Variants in MNAT1 observed in about 807,000 individuals in gnomAD.
MNAT1 encodes MNAT1 component of CDK activating kinase.
Under a neutral mutation model 42.0 loss-of-function variants are expected in MNAT1, and 43 were observed. That is an observed-to-expected ratio of 1.02 (90% CI 0.80 to 1.32). MNAT1 has a LOEUF of 1.32. Among genes scored for constraint, MNAT1 ranks in the 40% most tolerant of loss-of-function variants. The probability of loss-of-function intolerance (pLI) is 0.00; values close to 1 mark genes in which losing one functional copy is unlikely to be tolerated. For missense variants in MNAT1, 306 were observed against 350.4 expected, an observed-to-expected ratio of 0.87 and a Z score of 1.01; for synonymous variants, 118 against 120.0, an observed-to-expected ratio of 0.98 and a Z score of 0.11.
At chr14:60,883,076 T>A (rs966152481) in intron 7 of MNAT1, among the ~76,000 whole-genome samples, 1 of 152,166 alleles carries the variant, frequency 6.6e-6, no homozygotes, top group Non-Finnish European at 1.5e-5. Flanking sequence ...AGAAGCTTTT[T>A]AACTTGATGT....
At chr14:60,799,987 C>T (rs1338772759) in intron 3 of MNAT1, among the ~76,000 whole-genome samples, 1 of 152,010 alleles carries the variant, frequency 6.6e-6, no homozygotes. Context: ...CTTAAGCAAC[C>T]TCCACTTAAT....
chr14:60,823,135 A>T (rs2032947855), intron 6 of MNAT1, among the ~76,000 whole-genome samples: 1 of 152,122 alleles, frequency 6.6e-6, no homozygotes, highest in Non-Finnish European at 1.5e-5. Flanking sequence ...TGCCTTTTAA[A>T]GTATTGGATG....
rs373348646 is a variant in MNAT1, at chr14:60,852,742, C to T, written c.688-26972C>T. On this transcript the variant is annotated intron_variant, in intron 6 of 7. Transcript: ENST00000261245. ...TTTGTATAAGGTGTAAGGAAGGGGT[C>T]CAGTTTCAGTTTTCTGCATATGGCT... Among the ~76,000 whole-genome samples the T allele has an allele frequency of 3.2e-4, 49 of 152,176 alleles. 1 individual carries two copies. The East Asian group carries it at 8.9e-3, about 28-fold the overall frequency.
intron 7 of MNAT1, among the ~76,000 whole-genome samples, chr14:60,923,004 G>A (rs1317958855): frequency 1.3e-5 from 2 of 152,086 alleles, no homozygotes; most frequent in African/African-American, 4.8e-5. Flanking sequence ...GAGTCCTAGG[G>A]CTCAGTAGAT....
chr14:60,939,961 G>C (rs2139586423), intron 7 of MNAT1, among the ~76,000 whole-genome samples: 1 of 152,214 alleles, frequency 6.6e-6, no homozygotes, highest in South Asian at 2.1e-4. Flanking sequence ...TCTTCTTGTT[G>C]AATTGATCCC....
chr14:60,822,190 AC>A (rs1389449842), intron 6 of MNAT1, among the ~76,000 whole-genome samples: 1 of 152,134 alleles, frequency 6.6e-6, no homozygotes, highest in East Asian at 1.9e-4. Flanking sequence ...ACCTTTTTTC[AC>A]CTAGACAGAA....
intron 6 of MNAT1, among the ~76,000 whole-genome samples, chr14:60,850,998 G>C (rs184866918): frequency 1.3e-5 from 2 of 152,230 alleles, no homozygotes; most frequent in Admixed American, 6.5e-5. Context: ...ATTACTTAAA[G>C]GATAATTGCA....
intron 1 of MNAT1, among the ~76,000 whole-genome samples, chr14:60,748,862 G>A (rs1429466232): frequency 6.6e-6 from 1 of 151,958 alleles, no homozygotes; most frequent in Non-Finnish European, 1.5e-5. Flanking sequence ...AACCAGTATC[G>A]TAGTCATTTA....
intron 7 of MNAT1, among the ~76,000 whole-genome samples, chr14:60,916,127 T>C (rs2139540112): frequency 6.6e-6 from 1 of 152,348 alleles, no homozygotes; most frequent in East Asian, 1.9e-4. Flanking sequence ...TATAGCCTGA[T>C]GTTGGCTCTA....
At chr14:60,780,191 C>G in intron 1 of MNAT1, 1 of 1,503,748 alleles carries the variant, frequency 6.7e-7, no homozygotes, top group Non-Finnish European at 9.3e-7. Flanking sequence ...GGTGGAACAA[C>G]TAAAAGATTG....
chr14:60,887,296 A>T (rs2034699695), intron 7 of MNAT1, among the ~76,000 whole-genome samples: 1 of 151,406 alleles, frequency 6.6e-6, no homozygotes, highest in Non-Finnish European at 1.5e-5. Flanking sequence ...TGTGCAGGTT[A>T]GTTACATATG....
At chr14:60,914,736 C>G (rs749733325) in intron 7 of MNAT1, among the ~76,000 whole-genome samples, 20 of 151,990 alleles carry the variant, frequency 1.3e-4, no homozygotes, top group Non-Finnish European at 2.6e-4. Context: ...GCTATAGAGC[C>G]TTAGGGAGAT....
intron 2 of MNAT1, 34 bp from the exon 3 acceptor site, chr14:60,798,053 G>A: frequency 9.9e-7 from 1 of 1,008,516 alleles, no homozygotes; most frequent in African/African-American, 1.6e-5. Flanking sequence ...GCAATGATAT[G>A]TAATATGTAG....
Position 60,812,107 on chromosome 14 carries a change from C to G in MNAT1, c.541C>G (p.Gln181Glu). The G allele has an allele frequency of 1.3e-6, 2 of 1,582,310 alleles. No homozygotes were observed. Among genetic ancestry groups the G allele is most frequent in the Non-Finnish European group, 1.7e-6 (2 of 1,168,712 alleles). Reference sequence around the variant, plus strand: ...GCAGATTCTAAAAAGGAAGAATAAGCAGGCTTTTTTAGATGAGCTGGTATG... The same window carrying G: ...GCAGATTCTAAAAAGGAAGAATAAGGAGGCTTTTTTAGATGAGCTGGTATG... ...LQQILKRKNK[Q>E]AFLDELESSD... Residue 181 changes from glutamine to glutamate, a missense_variant, in exon 5 of 8, where the codon CAG becomes GAG. Gln to Glu is a conservative substitution (Grantham distance 29). Coordinates refer to ENST00000261245, the MANE Select transcript of MNAT1 (RefSeq NM_002431.4).
intron 1 of MNAT1, among the ~76,000 whole-genome samples, chr14:60,781,252 A>G (rs534534723): frequency 1.3e-5 from 2 of 152,166 alleles, no homozygotes; most frequent in Non-Finnish European, 2.9e-5. Flanking sequence ...AAGTGAGGAA[A>G]TAAGTTTGTT....
intron 6 of MNAT1, among the ~76,000 whole-genome samples, chr14:60,878,512 T>C (rs2034480780): frequency 6.6e-6 from 1 of 152,084 alleles, no homozygotes; most frequent in Non-Finnish European, 1.5e-5. Context: ...AGGAGCATTG[T>C]TGTGGTGGGG....
intron 1 of MNAT1, among the ~76,000 whole-genome samples, chr14:60,743,121 C>G (rs1469725736): frequency 6.6e-6 from 1 of 152,096 alleles, no homozygotes; most frequent in Non-Finnish European, 1.5e-5. Context: ...TATGTAGTTG[C>G]CAATGCTTGT....
At chr14:60,843,389 G>A (rs2139404616) in intron 6 of MNAT1, among the ~76,000 whole-genome samples, 1 of 152,174 alleles carries the variant, frequency 6.6e-6, no homozygotes, top group Non-Finnish European at 1.5e-5. Flanking sequence ...TCCTGCCTCA[G>A]CCTCCCAAGC....
chr14:60,881,152 G>A (rs1280087779), intron 7 of MNAT1, among the ~76,000 whole-genome samples: 4 of 151,798 alleles, frequency 2.6e-5, no homozygotes, highest in East Asian at 1.9e-4. Flanking sequence ...TCTTATGTCC[G>A]GGTAGCTTTC....
Sources: allele counts gnomAD v4.1 joint callset (sites outside exome capture counted in the v4.1 genomes callset), GRCh38; gene constraint gnomAD v4.1.1; transcripts MANE v1.5; gene names NCBI Gene and HGNC (gene_info 2026-07-23, HGNC 2026-07-21).